RREB1: variants seen among roughly 807,000 people sequenced by gnomAD.
RREB1 encodes ras responsive element binding protein 1, also known as ras-responsive element-binding protein 1.
RREB1 carries 27 observed loss-of-function variants against 117.8 expected under a neutral mutation model. That is an observed-to-expected ratio of 0.23 (90% CI 0.17 to 0.32). The LOEUF (loss-of-function observed/expected upper bound fraction) is 0.32. Ranked by LOEUF, RREB1 falls within the 10% of genes least tolerant of loss-of-function variation. The probability of loss-of-function intolerance (pLI) is 1.00; values close to 1 mark genes in which losing one functional copy is unlikely to be tolerated. For synonymous variants in RREB1, 1,298 were observed against 1,026.7 expected, an observed-to-expected ratio of 1.26 and a Z score of -5.05; for missense variants, 2,577 against 2,378.2, an observed-to-expected ratio of 1.08 and a Z score of -1.74.
chr6:7,231,931 G>A (rs371671636), intron 10 of RREB1, 24 bp downstream of exon 10: 8 of 1,557,616 alleles, frequency 5.1e-6, no homozygotes, highest in East Asian at 2.3e-5. Flanking sequence ...CGGGCTCCCA[G>A]GCAGTGAGTC....
At chr6:7,178,952 T>TA in intron 2 of RREB1, among the ~76,000 whole-genome samples, 1 of 152,336 alleles carries the variant, frequency 6.6e-6, no homozygotes, top group South Asian at 2.1e-4. Flanking sequence ...TTTCAGCCCT[T>TA]ACATTGGTTA....
At chr6:7,147,483 G>T (rs576986250) in intron 1 of RREB1, among the ~76,000 whole-genome samples, 23 of 151,974 alleles carry the variant, frequency 1.5e-4, no homozygotes, top group African/African-American at 5.6e-4. Context: ...GATGGTTTCC[G>T]TGCTGGGATA....
chr6:7,194,181 C>A (rs1406414835), intron 6 of RREB1, among the ~76,000 whole-genome samples: 1 of 152,112 alleles, frequency 6.6e-6, no homozygotes, highest in Non-Finnish European at 1.5e-5. Context: ...TATAGCATAG[C>A]CCTTGGTACT....
chr6:7,243,856 A>G (rs1422048337), intron 11 of RREB1, among the ~76,000 whole-genome samples: 1 of 152,114 alleles, frequency 6.6e-6, no homozygotes, highest in Admixed American at 6.6e-5. Flanking sequence ...CATGTTAAAT[A>G]TGTTCTGTGC....
intron 6 of RREB1, among the ~76,000 whole-genome samples, chr6:7,191,250 T>G (rs987361858): frequency 6.6e-6 from 1 of 152,182 alleles, no homozygotes; most frequent in South Asian, 2.1e-4. Context: ...TACGGTATAA[T>G]TCATACATCA....
intron 10 of RREB1, among the ~76,000 whole-genome samples, chr6:7,239,972 T>C (rs1016942458): frequency 2.0e-5 from 3 of 152,220 alleles, no homozygotes; most frequent in African/African-American, 7.2e-5. Context: ...TGACTTCTTC[T>C]CTTCATGGGC....
intron 6 of RREB1, among the ~76,000 whole-genome samples, chr6:7,206,561 A>G (rs768704160): frequency 6.6e-6 from 1 of 152,230 alleles, no homozygotes; most frequent in Non-Finnish European, 1.5e-5. Context: ...AGAGAACAAC[A>G]TAGACCAGGT....
At chr6:7,183,278 G>A (rs990897007) in intron 4 of RREB1, 1 of 152,132 alleles carries the variant, frequency 6.6e-6, no homozygotes, top group Non-Finnish European at 1.5e-5. Flanking sequence ...CTGTATGACT[G>A]TGGCCTGAGT....
chr6:7,164,729 C>CT (rs1415850877), intron 1 of RREB1, among the ~76,000 whole-genome samples: 2 of 152,166 alleles, frequency 1.3e-5, no homozygotes, highest in Non-Finnish European at 1.5e-5. Context: ...CTAAAAACAC[C>CT]TAGACATCCC....
At chr6:7,248,474 T>C (rs769884401) in intron 12 of RREB1, 37 bp from the exon 13 acceptor site, 1 of 1,589,432 alleles carries the variant, frequency 6.3e-7, no homozygotes, top group East Asian at 2.2e-5. Flanking sequence ...TACTGGTGCC[T>C]TTTGGTTAAT....
chr6:7,114,160 C>T (rs997910086), intron 1 of RREB1, among the ~76,000 whole-genome samples: 10 of 152,190 alleles, frequency 6.6e-5, no homozygotes, highest in African/African-American at 1.4e-4. Flanking sequence ...GTCTTGCTGT[C>T]GCCCAGGATG....
intron 1 of RREB1, among the ~76,000 whole-genome samples, chr6:7,173,162 G>A (rs775642191): frequency 3.3e-5 from 5 of 152,106 alleles, no homozygotes; most frequent in African/African-American, 4.8e-5. Flanking sequence ...CTGTTCTGTC[G>A]TCTGTGGGAA....
At chr6:7,142,692 G>A (rs992343661) in intron 1 of RREB1, among the ~76,000 whole-genome samples, 4 of 152,242 alleles carry the variant, frequency 2.6e-5, no homozygotes, top group Non-Finnish European at 4.4e-5. Context: ...CCAGGGCACT[G>A]ACTTCTGCCC....
chr6:7,139,562 C>T (rs941526475), intron 1 of RREB1, among the ~76,000 whole-genome samples: 1 of 152,032 alleles, frequency 6.6e-6, no homozygotes, highest in African/African-American at 2.4e-5. Context: ...TCTGCTATAA[C>T]CTATGTGTAG....
At chr6:7,130,228 A>T (rs1242864073) in intron 1 of RREB1, among the ~76,000 whole-genome samples, 1 of 152,216 alleles carries the variant, frequency 6.6e-6, no homozygotes, top group Non-Finnish European at 1.5e-5. Flanking sequence ...TTTATCCTCC[A>T]TAGCCAACAC....
intron 11 of RREB1, among the ~76,000 whole-genome samples, chr6:7,244,507 G>A (rs1297967083): frequency 1.3e-5 from 2 of 152,184 alleles, no homozygotes; most frequent in Non-Finnish European, 2.9e-5. Flanking sequence ...GCTCTCTGTT[G>A]AAATGATTCA....
intron 1 of RREB1, among the ~76,000 whole-genome samples, chr6:7,121,632 G>T (rs1340665859): frequency 6.6e-6 from 1 of 152,050 alleles, no homozygotes; most frequent in Non-Finnish European, 1.5e-5. Context: ...AGATTTATTT[G>T]ACCCCTTTCA....
chr6:7,231,623 G>C lies in RREB1; in HGVS notation c.3524G>C (p.Ser1175Thr). The C allele has an allele frequency of 6.2e-7, 1 of 1,611,972 alleles. No individual in the cohort carries two copies. Among genetic ancestry groups the C allele is most frequent in the Non-Finnish European group, 8.5e-7 (1 of 1,179,610 alleles). Residue 1175 changes from serine to threonine, a missense_variant, in exon 10 of 13, where the codon AGC becomes ACC. Physicochemically the swap from Ser to Thr is moderately conservative, Grantham distance 58. Transcript: ENST00000379938. ...ANSGGVDLDS[S>T]GEFASIEKML... Reference sequence around the variant, plus strand: ...AGCGGCGGGGTGGACCTGGACTCCAGCGGGGAGTTTGCCAGCATCGAGAAG... The same window carrying C: ...AGCGGCGGGGTGGACCTGGACTCCACCGGGGAGTTTGCCAGCATCGAGAAG...
Position 7,226,662 on chromosome 6 carries a change from C to G in RREB1, c.897+6C>G. The G allele has an allele frequency of 6.2e-7, 1 of 1,612,070 alleles. No individual in the cohort carries two copies. Among genetic ancestry groups the G allele is most frequent in the South Asian group, 1.1e-5 (1 of 90,778 alleles). On this transcript the variant is annotated splice_donor_region_variant and intron_variant, in intron 9 of 12. Transcript: ENST00000379938. The stretch of plus-strand genomic sequence containing the variant: ...AGTTTCCTCGCATTTCTCAGGTATT[C>G]TGATCAGCCCATGGAAGCAACCAGC...
Sources: gnomAD v4.1 joint callset for allele counts (sites outside exome capture counted in the v4.1 genomes callset) on GRCh38, gnomAD v4.1.1 for gene constraint, MANE v1.5 for transcripts, NCBI Gene and HGNC (gene_info 2026-07-23, HGNC 2026-07-21) for gene names.